The following FCGR3B variants were observed in gnomAD, a reference collection of about 807,000 sequenced individuals.
FCGR3B encodes Fc gamma receptor IIIb.
FCGR3B carries 20 observed loss-of-function variants against 26.7 expected under a neutral mutation model. That is an observed-to-expected ratio of 0.75 (90% CI 0.53 to 1.09). The LOEUF is 1.09. Among genes scored for constraint, FCGR3B ranks in the 50% least tolerant of loss-of-function variants. FCGR3B has a pLI of 0.00. For missense variants in FCGR3B, 191 were observed against 279.7 expected (o/e 0.68, Z 2.26); for synonymous variants, 79 against 107.0 (o/e 0.74, Z 1.62).
At position 161,628,286 on chromosome 1, in the gene FCGR3B, AAAAC is replaced by A. The variant is rs575858540; in HGVS notation, c.319+1488_319+1491del. 1.0e-4 allele frequency among the ~76,000 whole-genome samples: 15 copies of A among 149,990 alleles called. 2 individuals are homozygous for A. Among genetic ancestry groups the A allele is most frequent in the East Asian group, 5.8e-4 (3 of 5,132 alleles). ...AAACTCTGTCTCAAAAACAAAAACAAAAACAAACAAACAAACAAAGAAGTAAAAA... is the reference window on the plus strand; with the variant it reads ...AAACTCTGTCTCAAAAACAAAAACAAAAACAAACAAACAAAGAAGTAAAAA... On this transcript the variant is annotated intron_variant, in intron 3 of 4. Transcript: ENST00000650385.
rs201259954 is a variant in FCGR3B, at chr1:161,629,410, G to C, written c.319+368C>G. 1.9e-3 allele frequency among the ~76,000 whole-genome samples: 112 copies of C among 60,470 alleles called. 1 individual carries two copies. The highest frequency in any genetic ancestry group is 0.017 in the East Asian group (17 of 978). 39.7% of individuals were successfully genotyped at this position (60,470 alleles called of 152,430 possible). A position where few individuals can be genotyped will look rare whatever the true frequency, so the allele number is the denominator to read the frequency against. On this transcript the variant is annotated intron_variant, in intron 3 of 4. Coordinates refer to ENST00000650385, the MANE Select transcript of FCGR3B (RefSeq NM_001244753.2). ...CCGCATTGCACTCCAGCCTGGGTGA[G>C]AGAGTGATACTCTGTCTCAAAAAAT...
upstream of FCGR3B, chr1:161,631,401 C>G (rs942824221): frequency 8.5e-6 from 5 of 591,674 alleles, no homozygotes; most frequent in Non-Finnish European, 1.5e-5. Flanking sequence ...AGAGTGTGCC[C>G]TCAGCTTTCC....
Position 161,624,384 on chromosome 1 carries a change from G to T in FCGR3B, c.*131C>A. The T allele has an allele frequency of 1.8e-6, 2 of 1,110,508 alleles. No individual in the cohort carries two copies. The highest frequency in any genetic ancestry group is 2.6e-6 in the Non-Finnish European group (2 of 765,682). The allele number at this position is 1,110,508 out of a possible 1,614,324, so 68.8% of individuals were successfully genotyped here. ...TGTAGAGAGGCCTGAGGATGATGGG[G>T]TTGCAAATCCAGAGAAATGTTCAGA... On this transcript the variant is annotated 3_prime_UTR_variant, in exon 5 of 5. Coordinates refer to ENST00000650385, the MANE Select transcript of FCGR3B (RefSeq NM_001244753.2).
Position 161,624,431 on chromosome 1 carries a change from A to T in FCGR3B, c.*84T>A. ...CAGAGATGCTGCTGCCACTGCTCTT[A>T]TTACCCCCATGGGATGGGGGTCATG... is the stretch of plus-strand genomic sequence containing the variant. On this transcript the variant is annotated 3_prime_UTR_variant, in exon 5 of 5. Transcript: ENST00000650385. 2 of 1,478,614 alleles carry T rather than the reference A, an allele frequency of 1.4e-6. 1 individual carries two copies. The highest frequency in any genetic ancestry group is 2.9e-5 in the African/African-American group (2 of 69,038). 91.6% of individuals were successfully genotyped at this position (1,478,614 alleles called of 1,614,324 possible). A position where few individuals can be genotyped will look rare whatever the true frequency, so the allele number is the denominator to read the frequency against.
At chr1:161,631,393 A>G (rs1180156797), upstream of FCGR3B, 13 of 609,748 alleles carry the variant, frequency 2.1e-5, no homozygotes, top group East Asian at 3.4e-4. Context: ...AATCTGCCAG[A>G]GTGTGCCCTC....
chr1:161,629,972 C>A lies in FCGR3B; in HGVS notation c.125G>T (p.Ser42Ile). 1 of 1,379,158 alleles carries A rather than the reference C, an allele frequency of 7.3e-7. No homozygotes were observed. Among genetic ancestry groups the A allele is most frequent in the Non-Finnish European group, 9.6e-7 (1 of 1,038,772 alleles). 85.4% of individuals were successfully genotyped at this position (1,379,158 alleles called of 1,614,324 possible). The change falls in exon 3 of 5, where the codon AGT becomes ATT. Residue 42 changes from serine (S) to isoleucine (I), a missense_variant. Ser to Ile is a moderately radical substitution (Grantham distance 142). Coordinates refer to ENST00000650385, the MANE Select transcript of FCGR3B (RefSeq NM_001244753.2). ...PQWYSVLEKD[S>I]VTLKCQGAYS... ...GGCTCCCTGGCACTTCAGAGTCACA[C>A]TGTCCTTCTCAAGCACGCTGTACCA...
At chr1:161,631,470 C>G, upstream of FCGR3B, 1 of 505,622 alleles carries the variant, frequency 2.0e-6, no homozygotes, top group South Asian at 3.4e-5. Context: ...AATGGGACAG[C>G]AAGACCCTGG....
chr1:161,627,804 G>A (rs945125614), intron 3 of FCGR3B, among the ~76,000 whole-genome samples: 11 of 150,150 alleles, frequency 7.3e-5, no homozygotes, highest in African/African-American at 2.7e-4. Flanking sequence ...CTGTGGACTG[G>A]AGATACCCAG....
chr1:161,629,956 G>A lies in FCGR3B; in HGVS notation c.141C>T (p.Cys47=), dbSNP rs1193173476. The change falls in exon 3 of 5, where the codon TGC becomes TGT. Residue 47 remains cysteine (C), a synonymous_variant. Coordinates refer to ENST00000650385, the MANE Select transcript of FCGR3B (RefSeq NM_001244753.2). Reference sequence around the variant, plus strand: ...TGTCCTCAGGGGAGTAGGCTCCCTGGCACTTCAGAGTCACACTGTCCTTCT... The same window carrying A: ...TGTCCTCAGGGGAGTAGGCTCCCTGACACTTCAGAGTCACACTGTCCTTCT... The part of the protein sequence containing the change: ...VLEKDSVTLK[C]QGAYSPEDNS... 4.7e-6 allele frequency: 7 copies of A among 1,502,850 alleles called. 1 individual carries two copies. The highest frequency in any genetic ancestry group is 2.4e-5 in the South Asian group (2 of 82,062). The allele number at this position is 1,502,850 out of a possible 1,614,324, so 93.1% of individuals were successfully genotyped here. A position where few individuals can be genotyped will look rare whatever the true frequency, so the allele number is the denominator to read the frequency against.
chr1:161,631,149 C>T lies in FCGR3B; in HGVS notation c.-55G>A, dbSNP rs779628061. The T allele has an allele frequency of 1.9e-6, 3 of 1,607,702 alleles. No individual in the cohort carries two copies. Among genetic ancestry groups the T allele is most frequent in the Admixed American group, 1.7e-5 (1 of 59,528 alleles). On this transcript the variant is annotated 5_prime_UTR_variant, in exon 1 of 5. Coordinates refer to ENST00000650385, the MANE Select transcript of FCGR3B (RefSeq NM_001244753.2). ...AAGATATCCGGAGCCCTAAAGGGACCAAGCCGACTAGACAGGAGGGAGTAA... is the reference window on the plus strand; with the variant it reads ...AAGATATCCGGAGCCCTAAAGGGACTAAGCCGACTAGACAGGAGGGAGTAA...
At chr1:161,631,364 C>T (rs1679744479), upstream of FCGR3B, 1 of 684,596 alleles carries the variant, frequency 1.5e-6, no homozygotes, top group Admixed American at 3.0e-5. Flanking sequence ...TGCGGCTGAG[C>T]ATCTGAGGAC....
In FCGR3B at chr1:161,624,328, T is replaced by C; in HGVS notation, c.*187A>G. The C allele has an allele frequency of 1.4e-6, 1 of 704,090 alleles. No homozygotes were observed. The highest frequency in any genetic ancestry group is 2.3e-6 in the Non-Finnish European group (1 of 434,902). 43.6% of individuals were successfully genotyped at this position (704,090 alleles called of 1,614,324 possible). On this transcript the variant is annotated 3_prime_UTR_variant, in exon 5 of 5. Coordinates refer to ENST00000650385, the MANE Select transcript of FCGR3B (RefSeq NM_001244753.2). ...GAAAAATCGAGAGTTGGATAAAGGATCTGGCTCTGAGTTCTATGTTTCCTG... is the reference window on the plus strand; with the variant it reads ...GAAAAATCGAGAGTTGGATAAAGGACCTGGCTCTGAGTTCTATGTTTCCTG...
rs953474963 is a variant in FCGR3B, at chr1:161,627,102, T to C, written c.320-700A>G. On this transcript the variant is annotated intron_variant, in intron 3 of 4. Transcript: ENST00000650385. ...TTATTCTCACAATCATGTCACCAAG[T>C]AATCAGACTTCACAAAGAGAGAACA... Among the ~76,000 whole-genome samples the C allele has an allele frequency of 9.3e-5, 14 of 149,918 alleles. 2 individuals carry two copies. The highest frequency in any genetic ancestry group is 3.5e-4 in the African/African-American group (14 of 40,208).
upstream of FCGR3B, among the ~76,000 whole-genome samples, chr1:161,631,712 T>A (rs956705147): frequency 2.4e-5 from 3 of 126,490 alleles, no homozygotes; most frequent in African/African-American, 5.9e-5. Flanking sequence ...GCTCCTGGGA[T>A]ATGTAATCCA....
rs568134732 is a variant in FCGR3B at position 161,626,312 on chromosome 1, T to G, written c.410A>C (p.His137Pro). The G allele has an allele frequency of 9.3e-6, 15 of 1,609,112 alleles. No individual in the cohort carries two copies. Among genetic ancestry groups the G allele is most frequent in the African/African-American group, 4.1e-5 (3 of 73,554 alleles). Residue 137 changes from histidine (H) to proline (P), a missense_variant, in exon 4 of 5, where the codon CAT (histidine) becomes CCT (proline). This residue lies in a region of FCGR3B where 103 missense variants were observed against 114.5 expected (regional missense o/e 0.90). Transcript: ENST00000650385. ...RCHSWKNTAL[H>P]KVTYLQNGKD... The stretch of plus-strand genomic sequence containing the variant: ...GCCATTCTGTAAATATGTGACCTTA[T>G]GCAGAGCAGTGTTCTTCCAGCTGTG...
In FCGR3B at chr1:161,623,541, CTCTAAT is replaced by C. The variant is rs1057393743; in HGVS notation, c.*968_*973del. 2 of 149,360 alleles carry C rather than the reference CTCTAAT, an allele frequency of 1.3e-5. No individual in the cohort carries two copies. Among genetic ancestry groups the C allele is most frequent in the Non-Finnish European group, 3.0e-5 (2 of 67,544 alleles). The allele number at this position is 149,360 out of a possible 1,614,324, so 9.3% of individuals were successfully genotyped here. On this transcript the variant is annotated 3_prime_UTR_variant, in exon 5 of 5. Transcript: ENST00000650385. The stretch of plus-strand genomic sequence containing the variant: ...GTGGTTTTACAGTCCCTGCATTAAC[CTCTAAT>C]TCTTACTACCCCGGCCAAGAAAGCA...
At chr1:161,625,984 A>C (rs1490503303) in intron 4 of FCGR3B, among the ~76,000 whole-genome samples, 161 bp downstream of exon 4, 2 of 147,206 alleles carry the variant, frequency 1.4e-5, no homozygotes, top group African/African-American at 5.1e-5. Context: ...CTACCCTGCA[A>C]TCAGGGACTT....
rs1679609331 is a variant in FCGR3B at position 161,628,960 on chromosome 1, C to A, written c.319+818G>T. Among the ~76,000 whole-genome samples the A allele has an allele frequency of 1.6e-5, 2 of 127,036 alleles. 1 individual carries two copies. The highest frequency in any genetic ancestry group is 3.3e-5 in the Non-Finnish European group (2 of 59,896). The allele number at this position is 127,036 out of a possible 152,430, so 83.3% of individuals were successfully genotyped here. A position where few individuals can be genotyped will look rare whatever the true frequency, so the allele number is the denominator to read the frequency against. Reference sequence around the variant, plus strand: ...CATGTATCTGCCTCTATTGGAAGAGCTATCACATTACCAAATTTATGCTTA... The same window carrying A: ...CATGTATCTGCCTCTATTGGAAGAGATATCACATTACCAAATTTATGCTTA... On this transcript the variant is annotated intron_variant, in intron 3 of 4. Transcript: ENST00000650385.
upstream of FCGR3B, among the ~76,000 whole-genome samples, chr1:161,631,662 C>A (rs1193248141): frequency 1.5e-5 from 2 of 131,216 alleles, 1 homozygote; most frequent in Non-Finnish European, 3.3e-5. Context: ...ATTATCTCCA[C>A]GCAGAATTTC....
Sources: gnomAD v4.1 joint callset for allele counts (sites outside exome capture counted in the v4.1 genomes callset) on GRCh38, gnomAD v4.1.1 for gene constraint, gnomAD v4.1.1 regional missense constraint, MANE v1.5 for transcripts, NCBI Gene and HGNC (gene_info 2026-07-23, HGNC 2026-07-21) for gene names.